WDCP: variants seen among roughly 807,000 people sequenced by gnomAD.
WDCP encodes the protein WD repeat and coiled coil containing.
A neutral mutation model predicts 41.6 loss-of-function variants in WDCP; 19 were observed. The ratio of observed to expected loss-of-function variants is 0.46; its 90% CI spans 0.32 to 0.67. The LOEUF is 0.67. WDCP is among the 30% of genes least tolerant of loss of function. WDCP has a pLI of 0.04. For synonymous variants in WDCP, 302 were observed against 320.8 expected, an observed-to-expected ratio of 0.94 and a Z score of 0.63; for missense variants, 802 against 850.7, an observed-to-expected ratio of 0.94 and a Z score of 0.71.
At chr2:24,033,537 T>G (rs1663159682) in intron 2 of WDCP, among the ~76,000 whole-genome samples, 1 of 152,122 alleles carries the variant, frequency 6.6e-6, no homozygotes, top group Admixed American at 6.6e-5. Context: ...GCCCAGGAGT[T>G]CAAGACCAGC....
intron 1 of WDCP, among the ~76,000 whole-genome samples, chr2:24,042,811 T>C (rs2150953879): frequency 6.6e-6 from 1 of 151,930 alleles, no homozygotes; most frequent in Middle Eastern, 3.4e-3. Context: ...GGCGGGCAGA[T>C]CACCTGACCA....
At position 24,030,900 on chromosome 2, in the gene WDCP, C is replaced by A. The variant is rs753019586; in HGVS notation, c.*33G>T. On this transcript the variant is annotated 3_prime_UTR_variant, in exon 4 of 4. Coordinates refer to ENST00000295148, the MANE Select transcript of WDCP (RefSeq NM_025203.3). ...CAGGCCTTGTTTGTAATGGTCTCAT[C>A]TGAAGAGCTACACAGCAAGGACACT... The A allele has an allele frequency of 6.5e-7, 1 of 1,530,990 alleles. No individual in the cohort carries two copies. Among genetic ancestry groups the A allele is most frequent in the Non-Finnish European group, 9.0e-7 (1 of 1,106,972 alleles). The allele number at this position is 1,530,990 out of a possible 1,614,324, so 94.8% of individuals were successfully genotyped here.
At chr2:24,042,217 C>T (rs959725091) in intron 1 of WDCP, among the ~76,000 whole-genome samples, 1 of 151,952 alleles carries the variant, frequency 6.6e-6, no homozygotes, top group African/African-American at 2.4e-5. Flanking sequence ...GCCTGACCAA[C>T]GTGGAGAAAC....
chr2:24,039,720 C>G (rs2150951810), intron 1 of WDCP, among the ~76,000 whole-genome samples: 1 of 152,248 alleles, frequency 6.6e-6, no homozygotes, highest in South Asian at 2.1e-4. Flanking sequence ...ATAAAATCTT[C>G]TACCTAATGA....
At position 24,031,148 on chromosome 2, in the gene WDCP, G is replaced by A; in HGVS notation, c.1951C>T (p.Leu651Phe). The change falls in exon 4 of 4, where the codon CTT becomes TTT. Residue 651 changes from leucine to phenylalanine, a missense_variant. By Grantham distance (22) the Leu-to-Phe change is conservative (BLOSUM62 0). This residue lies in a region of WDCP where 321 missense variants were observed against 305.1 expected (regional missense o/e 1.05). Transcript: ENST00000295148. ...AAGCCCTCACTGTCAGCAGAGAGAA[G>A]AATCCAGTGGGAATCTGCAAATAAA... Reference protein sequence around the residue: ...IEMLHDSHWILLSADSEGFIP... With the variant: ...IEMLHDSHWIFLSADSEGFIP... 1 of 1,612,266 alleles carries A rather than the reference G, an allele frequency of 6.2e-7. No individual in the cohort carries two copies. Among genetic ancestry groups the A allele is most frequent in the Non-Finnish European group, 8.5e-7 (1 of 1,178,756 alleles).
Position 24,037,710 on chromosome 2 carries a change from A to G in WDCP, c.1785T>C (p.Ser595=). ...GKKSSSVYPL[S]QDLPYVHIIY... is the part of the protein sequence containing the mutation. ...TGATGTGAACATAAGGAAGATCTTG[A>G]GAGAGTGGATACACTGAAGAGGATT... The change falls in exon 2 of 4, where the codon TCT becomes TCC. Residue 595 remains serine (S), a synonymous_variant. Coordinates refer to ENST00000295148, the MANE Select transcript of WDCP (RefSeq NM_025203.3). 6 of 1,613,658 alleles carry G rather than the reference A, an allele frequency of 3.7e-6. No individual in the cohort carries two copies. The highest frequency in any genetic ancestry group is 5.1e-6 in the Non-Finnish European group (6 of 1,179,858).
rs769365186 is a variant in WDCP at position 24,039,174 on chromosome 2, C to T, written c.321G>A (p.Glu107=). The change falls in exon 2 of 4, where the codon GAG becomes GAA. Residue 107 remains glutamate, a synonymous_variant. Coordinates refer to ENST00000295148, the MANE Select transcript of WDCP (RefSeq NM_025203.3). The part of the protein sequence containing the change: ...SSKWLTSQTC[E]IRGSLPILPQ... ...GAAGGATAGGTAGTGATCCTCTAAT[C>T]TCACAAGTCTGAGACGTCAGCCATT... is the stretch of plus-strand genomic sequence containing the variant. The T allele has an allele frequency of 1.2e-6, 2 of 1,614,146 alleles. No homozygotes were observed. The highest frequency in any genetic ancestry group is 2.7e-5 in the African/African-American group (2 of 74,958).
Position 24,030,852 on chromosome 2 carries a change from A to AT in WDCP, c.*80dup. The AT allele has an allele frequency of 9.1e-7, 1 of 1,095,980 alleles. No individual in the cohort carries two copies. Among genetic ancestry groups the AT allele is most frequent in the Non-Finnish European group, 1.3e-6 (1 of 742,262 alleles). The allele number at this position is 1,095,980 out of a possible 1,614,324, so 67.9% of individuals were successfully genotyped here. A position where few individuals can be genotyped will look rare whatever the true frequency, so the allele number is the denominator to read the frequency against. On this transcript the variant is annotated 3_prime_UTR_variant, in exon 4 of 4. Coordinates refer to ENST00000295148, the MANE Select transcript of WDCP (RefSeq NM_025203.3). ...TTCGCCTGAGTGCAGTGGGAGTCTC[A>AT]TTGGCGAGTGTCCAGTGTCAAGCAG...
chr2:24,033,639 G>A (rs1201969703), intron 2 of WDCP, among the ~76,000 whole-genome samples: 1 of 152,058 alleles, frequency 6.6e-6, no homozygotes, highest in Non-Finnish European at 1.5e-5. Context: ...TACTCGGGAG[G>A]CTGAGGTAGG....
In WDCP at chr2:24,037,708, TGA is replaced by T; in HGVS notation, c.1785_1786del (p.Gln596ArgfsTer20). ...AATGATGTGAACATAAGGAAGATCTTGAGAGAGTGGATACACTGAAGAGGATT... is the reference window on the plus strand; with the variant it reads ...AATGATGTGAACATAAGGAAGATCTTGAGAGTGGATACACTGAAGAGGATT... On this transcript the variant is annotated frameshift_variant, in exon 2 of 4. Transcript: ENST00000295148. LOFTEE classifies it high-confidence loss of function. The T allele has an allele frequency of 6.2e-7, 1 of 1,613,630 alleles. No homozygotes were observed. Among genetic ancestry groups the T allele is most frequent in the Non-Finnish European group, 8.5e-7 (1 of 1,179,858 alleles).
In WDCP at chr2:24,029,371, A is replaced by C. The variant is rs145929339; in HGVS notation, c.*1562T>G. ...ATAACCATTAGTGATTTTATTGAAG[A>C]CTTATTCACAGTATTTTGACCTGAG... On this transcript the variant is annotated 3_prime_UTR_variant, in exon 4 of 4. Coordinates refer to ENST00000295148, the MANE Select transcript of WDCP (RefSeq NM_025203.3). 1 of 152,232 alleles carries C rather than the reference A, an allele frequency of 6.6e-6. No individual in the cohort carries two copies. Among genetic ancestry groups the C allele is most frequent in the Middle Eastern group, 3.2e-3 (1 of 316 alleles). The allele number at this position is 152,232 out of a possible 1,614,324, so 9.4% of individuals were successfully genotyped here.
At chr2:24,031,254 A>G in intron 3 of WDCP, 92 bp from the exon 4 acceptor site, 3 of 805,688 alleles carry the variant, frequency 3.7e-6, no homozygotes, top group Non-Finnish European at 4.0e-6. Context: ...GAGTGAAGGA[A>G]TATAGTAGTT....
chr2:24,041,198 G>A (rs1009838806), intron 1 of WDCP, among the ~76,000 whole-genome samples: 7 of 151,790 alleles, frequency 4.6e-5, no homozygotes, highest in Admixed American at 2.0e-4. Context: ...AATTAGCCGG[G>A]CATGGTGGCG....
chr2:24,047,106 G>A (rs981934173), intron 1 of WDCP, among the ~76,000 whole-genome samples: 1 of 151,930 alleles, frequency 6.6e-6, no homozygotes, highest in Non-Finnish European at 1.5e-5. Flanking sequence ...CACGAGTCAC[G>A]GTCATAATCC....
intron 2 of WDCP, among the ~76,000 whole-genome samples, chr2:24,036,440 A>G (rs1371958049): frequency 1.3e-5 from 2 of 150,582 alleles, no homozygotes; most frequent in African/African-American, 4.8e-5. Context: ...GATTGGTGAC[A>G]TACGAGGAAA....
intron 2 of WDCP, chr2:24,033,271 C>T: frequency 2.1e-6 from 1 of 468,074 alleles, no homozygotes; most frequent in South Asian, 1.7e-5. Context: ...AGAACACCTT[C>T]TTGGCTGTTT....
chr2:24,040,151 C>T (rs1471337320), intron 1 of WDCP, among the ~76,000 whole-genome samples: 1 of 152,030 alleles, frequency 6.6e-6, no homozygotes, highest in African/African-American at 2.4e-5. Context: ...TTATGCAGGA[C>T]AAGGTCCTTA....
intron 2 of WDCP, among the ~76,000 whole-genome samples, chr2:24,035,509 A>G (rs1663216681): frequency 6.6e-6 from 1 of 152,142 alleles, no homozygotes; most frequent in Non-Finnish European, 1.5e-5. Context: ...CAAATAAATG[A>G]ATTACCTATT....
intron 2 of WDCP, among the ~76,000 whole-genome samples, chr2:24,035,184 T>C (rs1279395676): frequency 6.6e-6 from 1 of 151,818 alleles, no homozygotes; most frequent in Admixed American, 6.6e-5. Flanking sequence ...ATATATTACT[T>C]TTGTAATTAG....
Sources: allele counts gnomAD v4.1 joint callset (sites outside exome capture counted in the v4.1 genomes callset), GRCh38; gene constraint gnomAD v4.1.1; regional missense constraint gnomAD v4.1.1; transcripts MANE v1.5; gene names NCBI Gene and HGNC (gene_info 2026-07-23, HGNC 2026-07-21).